Variants in TECRL observed in about 807,000 individuals in gnomAD.
TECRL encodes trans-2,3-enoyl-CoA reductase like.
A neutral mutation model predicts 52.8 loss-of-function variants in TECRL; 63 were observed. The observed-to-expected ratio is 1.19, with a 90% CI of 0.97 to 1.47. The LOEUF is 1.47. TECRL is among the 40% of genes most tolerant of loss of function. The pLI is 0.00. For missense variants in TECRL, 482 were observed against 429.6 expected, an observed-to-expected ratio of 1.12 and a Z score of -1.08; for synonymous variants, 164 against 141.9, an observed-to-expected ratio of 1.16 and a Z score of -1.10.
intron 2 of TECRL, among the ~76,000 whole-genome samples, chr4:64,346,265 T>C (rs1719975873): frequency 6.6e-6 from 1 of 152,194 alleles, no homozygotes; most frequent in Non-Finnish European, 1.5e-5. Context: ...TTCTGGGATC[T>C]GGAGGATGGT....
At chr4:64,341,857 A>G (rs956217356) in intron 2 of TECRL, among the ~76,000 whole-genome samples, 1 of 152,168 alleles carries the variant, frequency 6.6e-6, no homozygotes, top group Admixed American at 6.5e-5. Context: ...GCTAACACCC[A>G]TGCTGGCACC....
intron 9 of TECRL, among the ~76,000 whole-genome samples, chr4:64,283,451 G>A (rs1398257121): frequency 6.6e-6 from 1 of 152,052 alleles, no homozygotes; most frequent in African/African-American, 2.4e-5. Context: ...GACAGCTAAT[G>A]GTACAGGGTA....
At chr4:64,288,061 G>A (rs1337476320) in intron 9 of TECRL, among the ~76,000 whole-genome samples, 1 of 151,618 alleles carries the variant, frequency 6.6e-6, no homozygotes. Context: ...CAGGAGAATC[G>A]CTTGAAACCG....
chr4:64,306,842 G>A (rs1724369383), intron 6 of TECRL, among the ~76,000 whole-genome samples: 1 of 152,160 alleles, frequency 6.6e-6, no homozygotes, highest in Admixed American at 6.5e-5. Context: ...GGCTTATTTT[G>A]AGGGATGCTC....
At chr4:64,341,884 G>A (rs946390518) in intron 2 of TECRL, among the ~76,000 whole-genome samples, 1 of 152,180 alleles carries the variant, frequency 6.6e-6, no homozygotes, top group African/African-American at 2.4e-5. Flanking sequence ...TGTCTACCCT[G>A]TGGCAGGAGC....
At chr4:64,376,284 C>T (rs1004163925) in intron 1 of TECRL, among the ~76,000 whole-genome samples, 1 of 151,680 alleles carries the variant, frequency 6.6e-6, no homozygotes, top group African/African-American at 2.4e-5. Context: ...ATATGATTTA[C>T]TAAATAAGAC....
intron 8 of TECRL, among the ~76,000 whole-genome samples, chr4:64,297,427 T>C (rs1723751174): frequency 1.3e-5 from 2 of 151,036 alleles, no homozygotes; most frequent in South Asian, 2.1e-4. Context: ...TTTGTTAATA[T>C]AACGTTTTAT....
chr4:64,354,021 G>A (rs1201153441), intron 2 of TECRL, among the ~76,000 whole-genome samples: 1 of 152,050 alleles, frequency 6.6e-6, no homozygotes, highest in Non-Finnish European at 1.5e-5. Context: ...GGTATGCCAC[G>A]TCAAATGCAG....
intron 2 of TECRL, among the ~76,000 whole-genome samples, chr4:64,332,950 G>A (rs1165325667): frequency 6.6e-6 from 1 of 151,982 alleles, no homozygotes; most frequent in Admixed American, 6.6e-5. Context: ...TATGATGGCT[G>A]AGAGTTTTCC....
chr4:64,397,315 A>G (rs1724023298), intron 1 of TECRL, among the ~76,000 whole-genome samples: 1 of 152,064 alleles, frequency 6.6e-6, no homozygotes, highest in South Asian at 2.1e-4. Context: ...CACTGGATAT[A>G]TAAGTTTGCC....
intron 1 of TECRL, among the ~76,000 whole-genome samples, chr4:64,406,263 T>C (rs1724721416): frequency 6.6e-6 from 1 of 151,864 alleles, no homozygotes; most frequent in Non-Finnish European, 1.5e-5. Context: ...ATCTCATGAA[T>C]ATTTTGAGTC....
chr4:64,355,316 G>T, intron 2 of TECRL, among the ~76,000 whole-genome samples: 1 of 152,046 alleles, frequency 6.6e-6, no homozygotes, highest in Non-Finnish European at 1.5e-5. Flanking sequence ...CAGAAAATAT[G>T]TACATTTCAC....
intron 2 of TECRL, among the ~76,000 whole-genome samples, chr4:64,357,945 CAT>C: frequency 6.6e-6 from 1 of 151,680 alleles, no homozygotes; most frequent in East Asian, 1.9e-4. Context: ...AGACCATGAA[CAT>C]GTGATTTCTA....
chr4:64,342,968 T>C (rs12512807), intron 2 of TECRL, among the ~76,000 whole-genome samples: 93,128 of 151,936 alleles, frequency 0.61, 31,870 homozygotes, highest in Non-Finnish European at 0.76. Flanking sequence ...TTAAAATCTT[T>C]ACAACTCTGT....
intron 2 of TECRL, among the ~76,000 whole-genome samples, chr4:64,337,298 T>A (rs1719172480): frequency 6.6e-6 from 1 of 152,106 alleles, no homozygotes; most frequent in Admixed American, 6.6e-5. Context: ...GAGCTATTTA[T>A]GACAAACCCA....
intron 8 of TECRL, among the ~76,000 whole-genome samples, chr4:64,290,483 C>T (rs1723319239): frequency 6.6e-6 from 1 of 152,130 alleles, no homozygotes; most frequent in South Asian, 2.1e-4. Context: ...TTACTGATAA[C>T]AGAACATGTT....
intron 1 of TECRL, among the ~76,000 whole-genome samples, chr4:64,375,747 T>C (rs996367368): frequency 6.6e-6 from 1 of 151,888 alleles, no homozygotes; most frequent in African/African-American, 2.4e-5. Context: ...GCATGTGAGA[T>C]ATATTTTTTG....
At chr4:64,304,247 A>T (rs1443234018) in intron 7 of TECRL, among the ~76,000 whole-genome samples, 1 of 151,914 alleles carries the variant, frequency 6.6e-6, no homozygotes, top group Non-Finnish European at 1.5e-5. Flanking sequence ...AAATCAGAAG[A>T]TATAGGAAAT....
chr4:64,386,003 C>A (rs965218998), intron 1 of TECRL, among the ~76,000 whole-genome samples: 4 of 152,140 alleles, frequency 2.6e-5, no homozygotes, highest in African/African-American at 9.7e-5. Flanking sequence ...GATGCCCTAT[C>A]CAACCTGTGA....
Sources: allele counts gnomAD v4.1 joint callset (sites outside exome capture counted in the v4.1 genomes callset), GRCh38; gene constraint gnomAD v4.1.1; transcripts MANE v1.5; gene names NCBI Gene and HGNC (gene_info 2026-07-23, HGNC 2026-07-21).